GALNTL6: variants seen among roughly 807,000 people sequenced by gnomAD.
GALNTL6 encodes the protein polypeptide N-acetylgalactosaminyltransferase-like 6.
A neutral mutation model predicts 73.7 loss-of-function variants in GALNTL6; 46 were observed. The ratio of observed to expected loss-of-function variants is 0.62; its 90% CI spans 0.49 to 0.80. The LOEUF (loss-of-function observed/expected upper bound fraction) is 0.80. Ranked by LOEUF, GALNTL6 falls within the 30% of genes least tolerant of loss-of-function variation. GALNTL6 has a pLI of 0.00. For missense variants in GALNTL6, 604 were observed against 755.0 expected (o/e 0.80, Z 2.34); for synonymous variants, 259 against 263.7 (o/e 0.98, Z 0.17).
intron 2 of GALNTL6, among the ~76,000 whole-genome samples, chr4:172,069,453 A>G (rs1424231752): frequency 1.3e-5 from 1 of 77,050 alleles, no homozygotes; most frequent in Non-Finnish European, 2.8e-5. Context: ...TATGTAATAT[A>G]TAACACACAT....
intron 5 of GALNTL6, among the ~76,000 whole-genome samples, chr4:172,549,279 A>G (rs1432517882): frequency 6.6e-6 from 1 of 152,144 alleles, no homozygotes; most frequent in Non-Finnish European, 1.5e-5. Flanking sequence ...AAAGTAGCAT[A>G]TAGGAGAGCA....
chr4:171,989,032 C>T (rs907883521), intron 2 of GALNTL6, among the ~76,000 whole-genome samples: 2 of 151,198 alleles, frequency 1.3e-5, no homozygotes, highest in Non-Finnish European at 3.0e-5. Context: ...GTGGGGATAA[C>T]TAAAAAGGAG....
At chr4:172,607,347 A>G (rs1344958991) in intron 5 of GALNTL6, among the ~76,000 whole-genome samples, 1 of 152,060 alleles carries the variant, frequency 6.6e-6, no homozygotes, top group South Asian at 2.1e-4. Flanking sequence ...CTTTGTGTTC[A>G]TGTGTACTCA....
intron 7 of GALNTL6, among the ~76,000 whole-genome samples, chr4:172,878,275 A>T (rs1432648851): frequency 6.6e-6 from 1 of 151,912 alleles, no homozygotes; most frequent in Non-Finnish European, 1.5e-5. Context: ...ATAATACATC[A>T]CAATTTAAAT....
chr4:172,595,836 C>G (rs1256378179), intron 5 of GALNTL6, among the ~76,000 whole-genome samples: 1 of 152,040 alleles, frequency 6.6e-6, no homozygotes, highest in Non-Finnish European at 1.5e-5. Flanking sequence ...TCCAAAAAAG[C>G]CCTGACAAAT....
In GALNTL6 at chr4:172,754,504, G is replaced by A. The variant is rs139993345; in HGVS notation, c.554-54857G>A. On this transcript the variant is annotated intron_variant, in intron 5 of 12. Transcript: ENST00000506823. ...GGAGAATCACTTGAACCTGGGAGGT[G>A]GAGGTTGCAGTGAGCCGAGATCGCA... is the stretch of plus-strand genomic sequence containing the variant. Among the ~76,000 whole-genome samples, 556 of 152,118 alleles carry A rather than the reference G, an allele frequency of 3.7e-3. 5 individuals are homozygous for A. Among genetic ancestry groups the A allele is most frequent in the African/African-American group, 0.012 (513 of 41,488 alleles).
chr4:172,984,274 CT>C (rs1751197182), intron 10 of GALNTL6, among the ~76,000 whole-genome samples: 1 of 152,112 alleles, frequency 6.6e-6, no homozygotes, highest in African/African-American at 2.4e-5. Context: ...CCTCAGAAAA[CT>C]TACAATCATG....
chr4:172,522,666 C>G (rs75588570), intron 5 of GALNTL6, among the ~76,000 whole-genome samples: 1 of 11,822 alleles, frequency 8.5e-5, no homozygotes, highest in Non-Finnish European at 2.1e-4. Flanking sequence ...GAAACTCAGT[C>G]CCCCCCCCCC....
At chr4:172,182,365 G>A (rs948223671) in intron 2 of GALNTL6, among the ~76,000 whole-genome samples, 2 of 152,074 alleles carry the variant, frequency 1.3e-5, no homozygotes, top group African/African-American at 2.4e-5. Flanking sequence ...AAACTATGAG[G>A]TACAGAACAA....
intron 2 of GALNTL6, among the ~76,000 whole-genome samples, chr4:171,960,827 G>C (rs543632770): frequency 6.6e-6 from 1 of 151,786 alleles, no homozygotes; most frequent in South Asian, 2.1e-4. Context: ...GAGCACCTAA[G>C]GTCTAGATGC....
At chr4:171,874,020 TTC>T (rs1190575065) in intron 2 of GALNTL6, among the ~76,000 whole-genome samples, 1 of 152,188 alleles carries the variant, frequency 6.6e-6, no homozygotes, top group Non-Finnish European at 1.5e-5. Context: ...GCCGGCAGAA[TTC>T]TCTCTTTTTA....
intron 5 of GALNTL6, among the ~76,000 whole-genome samples, chr4:172,613,163 A>G (rs1009867789): frequency 3.3e-5 from 5 of 152,152 alleles, no homozygotes; most frequent in African/African-American, 1.2e-4. Context: ...TAAGAGATAG[A>G]CATATAGATG....
intron 2 of GALNTL6, among the ~76,000 whole-genome samples, chr4:171,869,198 A>G (rs1174094736): frequency 6.6e-6 from 1 of 152,198 alleles, no homozygotes; most frequent in African/African-American, 2.4e-5. Context: ...TCCCTATCAC[A>G]GGGCCAGGCT....
At chr4:172,874,698 G>A (rs2111172195) in intron 7 of GALNTL6, among the ~76,000 whole-genome samples, 2 of 152,254 alleles carry the variant, frequency 1.3e-5, no homozygotes, top group South Asian at 4.2e-4. Context: ...TGGGAAACTG[G>A]GAGAGGAGCA....
At chr4:172,308,003 CTTTTTTTTTTTTT>C (rs70941399) in intron 3 of GALNTL6, among the ~76,000 whole-genome samples, 3 of 34,586 alleles carry the variant, frequency 8.7e-5, no homozygotes, top group East Asian at 2.8e-3. Flanking sequence ...TGTGTTTTAA[CTTTTTTTTTTTTT>C]TTTTTTTTTT....
intron 5 of GALNTL6, among the ~76,000 whole-genome samples, chr4:172,706,025 T>G (rs1293330423): frequency 6.6e-6 from 1 of 152,122 alleles, no homozygotes; most frequent in African/African-American, 2.4e-5. Flanking sequence ...CTAGATTTTG[T>G]AAAGTTTTCT....
At chr4:172,981,205 G>T (rs1173026363) in intron 10 of GALNTL6, among the ~76,000 whole-genome samples, 1 of 152,150 alleles carries the variant, frequency 6.6e-6, no homozygotes, top group Non-Finnish European at 1.5e-5. Context: ...ATTCTTTTGG[G>T]TATACACCTA....
intron 5 of GALNTL6, among the ~76,000 whole-genome samples, chr4:172,620,765 G>C (rs937496283): frequency 6.6e-6 from 1 of 152,130 alleles, no homozygotes; most frequent in African/African-American, 2.4e-5. Context: ...TCTTTACACA[G>C]AGAGTTCCCT....
At chr4:172,934,019 T>C (rs1331778004) in intron 9 of GALNTL6, among the ~76,000 whole-genome samples, 1 of 152,200 alleles carries the variant, frequency 6.6e-6, no homozygotes, top group Non-Finnish European at 1.5e-5. Context: ...ACTATAGAAA[T>C]ACATTTGTAA....
Sources: allele counts gnomAD v4.1 joint callset (sites outside exome capture counted in the v4.1 genomes callset), GRCh38; gene constraint gnomAD v4.1.1; transcripts MANE v1.5; gene names NCBI Gene and HGNC (gene_info 2026-07-23, HGNC 2026-07-21).